C6orf52: variants seen among roughly 807,000 people sequenced by gnomAD.
The protein encoded by C6orf52 is putative uncharacterized protein C6orf52.
In C6orf52, 16 loss-of-function variants were observed where a neutral mutation model predicts 16.6. The ratio of observed to expected loss-of-function variants is 0.96; its 90% CI spans 0.65 to 1.46. The LOEUF (loss-of-function observed/expected upper bound fraction) is 1.46, where lower values mean the gene tolerates loss of function less well. Among genes scored for constraint, C6orf52 ranks in the 40% most tolerant of loss-of-function variants. The pLI, the probability that C6orf52 is intolerant of heterozygous loss-of-function variation, is 0.00. For missense variants in C6orf52, 166 were observed against 182.3 expected (o/e 0.91, Z 0.52); for synonymous variants, 53 against 61.4 (o/e 0.86, Z 0.64).
rs926346266 is a variant in C6orf52, at chr6:10,693,012, A to T, written c.-12+1482T>A. On this transcript the variant is annotated intron_variant, in intron 1 of 4. Transcript: ENST00000259983. ...TGTTAAAGAATAAATCATAAATGTT[A>T]GAAACAATAGTTTCTTTTAAAGACT... Among the ~76,000 whole-genome samples, 10 of 152,346 alleles carry T rather than the reference A, an allele frequency of 6.6e-5. No homozygotes were observed. In the South Asian group the frequency reaches 1.0e-3, roughly 16 times the overall value.
intron 1 of C6orf52, among the ~76,000 whole-genome samples, chr6:10,691,915 A>G (rs989354772): frequency 1.3e-5 from 2 of 152,176 alleles, no homozygotes; most frequent in African/African-American, 4.8e-5. Context: ...AGAACCAACT[A>G]TATTCTAAAA....
intron 4 of C6orf52, among the ~76,000 whole-genome samples, chr6:10,676,982 T>C (rs531041854): frequency 6.6e-6 from 1 of 152,388 alleles, no homozygotes; most frequent in South Asian, 2.1e-4. Flanking sequence ...TTCACTCTGT[T>C]ACTGTTTCCT....
Position 10,694,591 on chromosome 6 carries a change from A to T in C6orf52, c.-109T>A. The T allele has an allele frequency of 5.6e-6, 1 of 180,120 alleles. No individual in the cohort carries two copies. Among genetic ancestry groups the T allele is most frequent in the Non-Finnish European group, 1.2e-5 (1 of 82,968 alleles). The allele number at this position is 180,120 out of a possible 1,614,324, so 11.2% of individuals were successfully genotyped here. A position where few individuals can be genotyped will look rare whatever the true frequency, so the allele number is the denominator to read the frequency against. The stretch of plus-strand genomic sequence containing the variant: ...CAACAATGCACGCTGCCGGCGCTAC[A>T]GCCCCTAAGCAACCGGCCGGAAGTC... On this transcript the variant is annotated 5_prime_UTR_variant, in exon 1 of 5. Coordinates refer to ENST00000259983, the MANE Select transcript of C6orf52 (RefSeq NM_001145020.3).
At chr6:10,675,778 G>T (rs1158758054) in intron 4 of C6orf52, among the ~76,000 whole-genome samples, 1 of 152,174 alleles carries the variant, frequency 6.6e-6, no homozygotes, top group Non-Finnish European at 1.5e-5. Context: ...CTGATGATTA[G>T]TGAAGTTGAA....
At position 10,687,277 on chromosome 6, in the gene C6orf52, T is replaced by C. The variant is rs937758540; in HGVS notation, c.72-113A>G. The C allele has an allele frequency of 2.3e-5, 19 of 833,838 alleles. No homozygotes were observed. The African/African-American group carries it at 2.8e-4, about 12-fold the overall frequency. The allele number at this position is 833,838 out of a possible 1,614,324, so 51.7% of individuals were successfully genotyped here. On this transcript the variant is annotated intron_variant, in intron 2 of 4. Coordinates refer to ENST00000259983, the MANE Select transcript of C6orf52 (RefSeq NM_001145020.3). The stretch of plus-strand genomic sequence containing the variant: ...TGAACACCTATGTTCAAAGCCATAG[T>C]TTGATACCTAATGTAGATGACGGGT...
intron 1 of C6orf52, among the ~76,000 whole-genome samples, chr6:10,692,609 T>G (rs532896944): frequency 1.2e-4 from 19 of 152,204 alleles, no homozygotes; most frequent in Non-Finnish European, 2.2e-4. Context: ...CCCAGCTAAT[T>G]TTTGTATTTT....
Position 10,679,758 on chromosome 6 carries a change from G to T in C6orf52, c.316+3429C>A, listed in dbSNP as rs912410678. 4.6e-5 allele frequency among the ~76,000 whole-genome samples: 7 copies of T among 152,106 alleles called. No individual in the cohort carries two copies. The East Asian group carries it at 1.3e-3, about 29-fold the overall frequency. On this transcript the variant is annotated intron_variant, in intron 4 of 4. Coordinates refer to ENST00000259983, the MANE Select transcript of C6orf52 (RefSeq NM_001145020.3). ...TAGACTTCTAATATTATGTTGAATA[G>T]AAGTAGTGAAAGTGGGCATCCTTAT...
intron 3 of C6orf52, among the ~76,000 whole-genome samples, chr6:10,683,940 G>T (rs1413724199): frequency 1.3e-5 from 2 of 152,176 alleles, no homozygotes; most frequent in African/African-American, 4.8e-5. Context: ...TCACTATCAA[G>T]AAAGGGCTGA....
At chr6:10,676,152 CAAAAA>C (rs1767862179) in intron 4 of C6orf52, among the ~76,000 whole-genome samples, 1 of 151,188 alleles carries the variant, frequency 6.6e-6, no homozygotes, top group South Asian at 2.1e-4. Flanking sequence ...CAAAACAAAA[CAAAAA>C]ACTTATCCCT....
At position 10,694,544 on chromosome 6, in the gene C6orf52, T is replaced by C. The variant is rs1212655963; in HGVS notation, c.-62A>G. On this transcript the variant is annotated 5_prime_UTR_variant, in exon 1 of 5. Coordinates refer to ENST00000259983, the MANE Select transcript of C6orf52 (RefSeq NM_001145020.3). ...CCGCTGGTCCCTGAACAAAAACTCC[T>C]ACCCTACTAGTACACAGCCCACAAC... The C allele has an allele frequency of 6.3e-6, 1 of 158,586 alleles. No homozygotes were observed. The highest frequency in any genetic ancestry group is 6.2e-5 in the Admixed American group (1 of 16,146). 9.8% of individuals were successfully genotyped at this position (158,586 alleles called of 1,614,324 possible).
chr6:10,678,389 T>C (rs1581539723), intron 4 of C6orf52, among the ~76,000 whole-genome samples: 1 of 152,324 alleles, frequency 6.6e-6, no homozygotes. Flanking sequence ...AAGTTTTTGT[T>C]ACAGCTATTG....
intron 4 of C6orf52, among the ~76,000 whole-genome samples, chr6:10,679,579 A>C (rs375719995): frequency 0.022 from 2,821 of 127,780 alleles, 35 homozygotes; most frequent in South Asian, 0.038. Context: ...AAAAAAAAAA[A>C]ACAAAAAACA....
intron 4 of C6orf52, among the ~76,000 whole-genome samples, chr6:10,681,433 G>A (rs1768381072): frequency 6.6e-6 from 1 of 151,770 alleles, no homozygotes; most frequent in Non-Finnish European, 1.5e-5. Flanking sequence ...ATCTATTTTT[G>A]CTATAGTCTT....
In C6orf52 at chr6:10,686,826, C is replaced by T. The variant is rs993482947; in HGVS notation, c.270+140G>A. Reference sequence around the variant, plus strand: ...CATTTTTCTTAGGCTATCAGCTTTACTCTCTAGTATTAAAACAGGTAGCAA... The same window carrying T: ...CATTTTTCTTAGGCTATCAGCTTTATTCTCTAGTATTAAAACAGGTAGCAA... On this transcript the variant is annotated intron_variant, in intron 3 of 4. Coordinates refer to ENST00000259983, the MANE Select transcript of C6orf52 (RefSeq NM_001145020.3). 8 of 626,318 alleles carry T rather than the reference C, an allele frequency of 1.3e-5. No individual in the cohort carries two copies. In the African/African-American group the frequency reaches 1.5e-4, roughly 12 times the overall value. 38.8% of individuals were successfully genotyped at this position (626,318 alleles called of 1,614,324 possible). A position where few individuals can be genotyped will look rare whatever the true frequency, so the allele number is the denominator to read the frequency against.
intron 3 of C6orf52, among the ~76,000 whole-genome samples, chr6:10,684,093 T>C (rs1259077620): frequency 6.6e-6 from 1 of 152,184 alleles, no homozygotes; most frequent in Non-Finnish European, 1.5e-5. Flanking sequence ...GTTTGGAAAA[T>C]AGGTTATATA....
rs933694354 is a variant in C6orf52, at chr6:10,694,610, G to A, written c.-128C>T. 17 of 196,930 alleles carry A rather than the reference G, an allele frequency of 8.6e-5. No individual in the cohort carries two copies. The highest frequency in any genetic ancestry group is 2.9e-4 in the South Asian group (4 of 13,634). 12.2% of individuals were successfully genotyped at this position (196,930 alleles called of 1,614,324 possible). A position where few individuals can be genotyped will look rare whatever the true frequency, so the allele number is the denominator to read the frequency against. ...CGCTACAGCCCCTAAGCAACCGGCC[G>A]GAAGTCGGCCCCACCTCCTCCTGAT... On this transcript the variant is annotated 5_prime_UTR_variant, in exon 1 of 5. Coordinates refer to ENST00000259983, the MANE Select transcript of C6orf52 (RefSeq NM_001145020.3).
intron 4 of C6orf52, among the ~76,000 whole-genome samples, chr6:10,674,215 T>C (rs549682999): frequency 6.6e-6 from 1 of 152,276 alleles, no homozygotes; most frequent in South Asian, 2.1e-4. Flanking sequence ...TCTACCCTCA[T>C]GACCTCACCT....
intron 3 of C6orf52, among the ~76,000 whole-genome samples, chr6:10,685,452 G>T (rs1268260634): frequency 1.3e-5 from 2 of 152,062 alleles, no homozygotes; most frequent in Non-Finnish European, 2.9e-5. Context: ...TGAAAGTTTG[G>T]GCAGTGAAAT....
intron 4 of C6orf52, among the ~76,000 whole-genome samples, chr6:10,673,982 A>C (rs1441430187): frequency 6.6e-6 from 1 of 152,192 alleles, no homozygotes; most frequent in Non-Finnish European, 1.5e-5. Context: ...GCTGCTAACA[A>C]CATATCAGAA....
Sources: allele counts gnomAD v4.1 joint callset (sites outside exome capture counted in the v4.1 genomes callset), GRCh38; gene constraint gnomAD v4.1.1; transcripts MANE v1.5; gene names NCBI Gene and HGNC (gene_info 2026-07-23, HGNC 2026-07-21).